The following LRRC7 variants were observed in gnomAD, a reference collection of about 807,000 sequenced individuals.
LRRC7 encodes leucine-rich repeat-containing protein 7.
Under a neutral mutation model 175.7 loss-of-function variants are expected in LRRC7, and 23 were observed. The ratio of observed to expected loss-of-function variants is 0.13; its 90% CI spans 0.09 to 0.19. LRRC7 has a LOEUF of 0.19. LRRC7 is among the 10% of genes least tolerant of loss of function. LRRC7 has a pLI of 1.00. For missense variants in LRRC7, 1,354 were observed against 1,904.7 expected (o/e 0.71, Z 5.38); for synonymous variants, 685 against 680.9 (o/e 1.01, Z -0.09).
intron 18 of LRRC7, among the ~76,000 whole-genome samples, chr1:70,034,499 T>C (rs542659788): frequency 1.2e-3 from 189 of 152,316 alleles, no homozygotes; most frequent in African/African-American, 4.4e-3. Flanking sequence ...TAGAACACCT[T>C]TGAGTAGCAA....
chr1:69,815,048 A>G (rs1678421821), intron 4 of LRRC7, among the ~76,000 whole-genome samples: 2 of 152,142 alleles, frequency 1.3e-5, no homozygotes, highest in Non-Finnish European at 2.9e-5. Flanking sequence ...TCTTTCACTT[A>G]TAGCTCATTG....
chr1:69,627,850 TG>T (rs1651847522), intron 1 of LRRC7, among the ~76,000 whole-genome samples: 1 of 133,390 alleles, frequency 7.5e-6, no homozygotes, highest in Non-Finnish European at 1.8e-5. Flanking sequence ...GAATATAATT[TG>T]GTATATAATG....
intron 8 of LRRC7, among the ~76,000 whole-genome samples, chr1:69,977,500 G>A (rs1237824963): frequency 6.6e-6 from 1 of 152,128 alleles, no homozygotes; most frequent in Non-Finnish European, 1.5e-5. Context: ...AATTATAGAA[G>A]TGCTGTGTAT....
chr1:69,852,740 T>C (rs947698791), intron 7 of LRRC7, among the ~76,000 whole-genome samples: 12 of 152,314 alleles, frequency 7.9e-5, no homozygotes, highest in Non-Finnish European at 1.6e-4. Flanking sequence ...AAATATCAAC[T>C]TTGGGTATAT....
chr1:69,842,595 G>A (rs1052454679), intron 7 of LRRC7, among the ~76,000 whole-genome samples: 1 of 152,064 alleles, frequency 6.6e-6, no homozygotes, highest in South Asian at 2.1e-4. Context: ...GGTAATATCA[G>A]TAAATACAGT....
intron 1 of LRRC7, among the ~76,000 whole-genome samples, chr1:69,592,100 G>T (rs10489549): frequency 6.6e-6 from 1 of 151,892 alleles, no homozygotes; most frequent in African/African-American, 2.4e-5. Flanking sequence ...CTATAGGGTA[G>T]CATAAGTAAA....
chr1:69,725,848 G>C (rs551803214), intron 2 of LRRC7, among the ~76,000 whole-genome samples: 1 of 152,182 alleles, frequency 6.6e-6, no homozygotes, highest in South Asian at 2.1e-4. Flanking sequence ...CTTGGTTTCT[G>C]TGCCCTGAGT....
At chr1:69,800,784 G>A (rs948802738) in intron 4 of LRRC7, among the ~76,000 whole-genome samples, 1 of 151,794 alleles carries the variant, frequency 6.6e-6, no homozygotes, top group Admixed American at 6.6e-5. Flanking sequence ...ATTGAAGAGA[G>A]TAGTGAAAGT....
intron 5 of LRRC7, among the ~76,000 whole-genome samples, chr1:69,832,613 G>A (rs534354623): frequency 1.3e-5 from 2 of 152,030 alleles, no homozygotes; most frequent in Non-Finnish European, 2.9e-5. Context: ...ACAAAACCGA[G>A]GGTTAGGAAG....
At chr1:69,678,590 A>C in intron 2 of LRRC7, 112 bp downstream of exon 2, 1 of 716,334 alleles carries the variant, frequency 1.4e-6, no homozygotes. Context: ...ATATTTGTTG[A>C]GTCGAGTTGG....
At chr1:69,838,923 T>C (rs1681420743) in intron 7 of LRRC7, 1 of 158,132 alleles carries the variant, frequency 6.3e-6, no homozygotes, top group Admixed American at 6.5e-5. Flanking sequence ...AACAATAGAA[T>C]TTTATGTTTT....
chr1:70,103,040 G>A (rs1664904646), intron 25 of LRRC7, among the ~76,000 whole-genome samples: 2 of 151,926 alleles, frequency 1.3e-5, no homozygotes, highest in East Asian at 3.9e-4. Flanking sequence ...ACCAGCCTGG[G>A]CAATATGGCA....
chr1:69,874,922 G>A (rs1486967208), intron 7 of LRRC7: 1 of 151,970 alleles, frequency 6.6e-6, no homozygotes, highest in Non-Finnish European at 1.5e-5. Flanking sequence ...ATTGACTTCT[G>A]TCATTGTCAC....
At chr1:69,846,184 C>T (rs953574540) in intron 7 of LRRC7, among the ~76,000 whole-genome samples, 2 of 152,078 alleles carry the variant, frequency 1.3e-5, no homozygotes, top group African/African-American at 4.8e-5. Flanking sequence ...AGAGTCACTT[C>T]TAAAATATCA....
chr1:70,123,164 C>G lies in LRRC7; in HGVS notation c.*1277C>G, dbSNP rs1053021764. 4 of 152,464 alleles carry G rather than the reference C, an allele frequency of 2.6e-5. No individual in the cohort carries two copies. Among genetic ancestry groups the G allele is most frequent in the African/African-American group, 9.7e-5 (4 of 41,436 alleles). The allele number at this position is 152,464 out of a possible 1,614,324, so 9.4% of individuals were successfully genotyped here. On this transcript the variant is annotated 3_prime_UTR_variant, in exon 27 of 27. Transcript: ENST00000651989. ...GAAACTATTTTCCTGCATAAATGAT[C>G]AAAATTTATTTTATAATCCTTTAAA...
chr1:69,643,597 A>G (rs1194095864), intron 1 of LRRC7, among the ~76,000 whole-genome samples: 1 of 152,144 alleles, frequency 6.6e-6, no homozygotes, highest in Non-Finnish European at 1.5e-5. Flanking sequence ...TATTAACCAT[A>G]GGAAAGTTTT....
chr1:69,781,182 T>C (rs1164837776), intron 3 of LRRC7, among the ~76,000 whole-genome samples: 1 of 152,180 alleles, frequency 6.6e-6, no homozygotes, highest in African/African-American at 2.4e-5. Context: ...GTATTTACTC[T>C]AAGCTCCTCT....
In LRRC7 at chr1:69,886,073, C is replaced by T. The variant is rs1018317620; in HGVS notation, c.648-45434C>T. Among the ~76,000 whole-genome samples, 1,039 of 150,616 alleles carry T rather than the reference C, an allele frequency of 6.9e-3. 13 individuals are homozygous for T. The highest frequency in any genetic ancestry group is 0.024 in the African/African-American group (991 of 40,998). Reference sequence around the variant, plus strand: ...ATTTTGGAATAGGTGTGGTGTGGTGCTGAAAAAAATGTATATTCTGTTGAT... The same window carrying T: ...ATTTTGGAATAGGTGTGGTGTGGTGTTGAAAAAAATGTATATTCTGTTGAT... On this transcript the variant is annotated intron_variant, in intron 7 of 26. Coordinates refer to ENST00000651989, the MANE Select transcript of LRRC7 (RefSeq NM_001370785.2).
chr1:69,997,322 G>T (rs1284717650), intron 11 of LRRC7, among the ~76,000 whole-genome samples: 1 of 151,924 alleles, frequency 6.6e-6, no homozygotes, highest in Non-Finnish European at 1.5e-5. Flanking sequence ...GGGTTTTCTA[G>T]ATATACAATC....
Sources: allele counts gnomAD v4.1 joint callset (sites outside exome capture counted in the v4.1 genomes callset), GRCh38; gene constraint gnomAD v4.1.1; transcripts MANE v1.5; gene names NCBI Gene and HGNC (gene_info 2026-07-23, HGNC 2026-07-21).